The following TBK1 variants were observed in gnomAD, a reference collection of about 807,000 sequenced individuals.
The protein encoded by TBK1 is serine/threonine-protein kinase TBK1.
TBK1 carries 37 observed loss-of-function variants against 99.9 expected under a neutral mutation model. The ratio of observed to expected loss-of-function variants is 0.37; its 90% confidence interval spans 0.28 to 0.49. The LOEUF (loss-of-function observed/expected upper bound fraction) is 0.49, where lower values mean the gene tolerates loss of function less well. TBK1 is among the 20% of genes least tolerant of loss of function. The pLI, the probability that TBK1 is intolerant of heterozygous loss-of-function variation, is 0.98. For missense variants in TBK1, 644 were observed against 872.5 expected, an observed-to-expected ratio of 0.74 and a Z score of 3.30; for synonymous variants, 258 against 279.8, an observed-to-expected ratio of 0.92 and a Z score of 0.78.
At position 64,501,903 on chromosome 12, in the gene TBK1, T is replaced by G. The variant is rs2136092788; in HGVS notation, c.*522T>G. ...ATTTTACAAGGTGCCCAGATCCCAGTTATCCTTGTATCCATGTAATTTCAG... is the reference window on the plus strand; with the variant it reads ...ATTTTACAAGGTGCCCAGATCCCAGGTATCCTTGTATCCATGTAATTTCAG... On this transcript the variant is annotated 3_prime_UTR_variant, in exon 21 of 21. Coordinates refer to ENST00000331710, the MANE Select transcript of TBK1 (RefSeq NM_013254.4). The G allele has an allele frequency of 6.5e-6, 1 of 152,740 alleles. No individual in the cohort carries two copies. Among genetic ancestry groups the G allele is most frequent in the Non-Finnish European group, 1.5e-5 (1 of 68,112 alleles). The allele number at this position is 152,740 out of a possible 1,614,324, so 9.5% of individuals were successfully genotyped here.
At chr12:64,461,622 G>A (rs1032177509) in intron 3 of TBK1, among the ~76,000 whole-genome samples, 1 of 152,180 alleles carries the variant, frequency 6.6e-6, no homozygotes, top group Non-Finnish European at 1.5e-5. Flanking sequence ...TAAGAGCATA[G>A]CCTTCCACAC....
At chr12:64,488,348 G>T in intron 11 of TBK1, 139 bp from the exon 12 acceptor site, 1 of 505,870 alleles carries the variant, frequency 2.0e-6, no homozygotes, top group Non-Finnish European at 3.5e-6. Flanking sequence ...TTATAATAAT[G>T]TTTCAAAAAG....
Position 64,501,561 on chromosome 12 carries a change from A to T in TBK1, c.*180A>T. ...ATACAAATTTTTGGCTGCTGTGAAG[A>T]TGTAATTTTATCTTTTAACATTTAT... is the stretch of plus-strand genomic sequence containing the variant. On this transcript the variant is annotated 3_prime_UTR_variant, in exon 21 of 21. Coordinates refer to ENST00000331710, the MANE Select transcript of TBK1 (RefSeq NM_013254.4). 1 of 568,288 alleles carries T rather than the reference A, an allele frequency of 1.8e-6. No homozygotes were observed. Among genetic ancestry groups the T allele is most frequent in the Non-Finnish European group, 3.0e-6 (1 of 337,494 alleles). 35.2% of individuals were successfully genotyped at this position (568,288 alleles called of 1,614,324 possible). A position where few individuals can be genotyped will look rare whatever the true frequency, so the allele number is the denominator to read the frequency against.
chr12:64,456,914 A>G (rs1390273940), intron 2 of TBK1, among the ~76,000 whole-genome samples: 1 of 152,136 alleles, frequency 6.6e-6, no homozygotes, highest in African/African-American at 2.4e-5. Context: ...ATAATTTAAA[A>G]TTAAGAAATT....
rs113935916 is a variant in TBK1, at chr12:64,498,889, G to T, written c.2138+850G>T. 6.6e-3 allele frequency among the ~76,000 whole-genome samples: 994 copies of T among 151,190 alleles called. 10 individuals are homozygous for T. The highest frequency in any genetic ancestry group is 0.01 in the Non-Finnish European group (689 of 67,812). ...GAGAATCACCTGAATCTGGGAGATG[G>T]AGGTTGCAGTCAGCCGAGATCACAC... On this transcript the variant is annotated intron_variant, in intron 20 of 20. Transcript: ENST00000331710.
At chr12:64,490,517 C>G (rs945599553) in intron 13 of TBK1, among the ~76,000 whole-genome samples, 2 of 151,424 alleles carry the variant, frequency 1.3e-5, no homozygotes, top group Non-Finnish European at 1.5e-5. Context: ...ACCTCTCTCG[C>G]TGCCTCTCTC....
chr12:64,480,068 A>G lies in TBK1; in HGVS notation c.758A>G (p.Glu253Gly). 1 of 1,613,334 alleles carries G rather than the reference A, an allele frequency of 6.2e-7. No individual in the cohort carries two copies. Among genetic ancestry groups the G allele is most frequent in the Non-Finnish European group, 8.5e-7 (1 of 1,179,550 alleles). Residue 253 changes from glutamate (E) to glycine (G), a missense_variant, in exon 7 of 21, where the codon GAA becomes GGA. By Grantham distance (98) the Glu-to-Gly change is moderately conservative. Coordinates refer to ENST00000331710, the MANE Select transcript of TBK1 (RefSeq NM_013254.4). ...GCAATATCTGGAGTACAGAAAGCAG[A>G]AAATGGACCAATTGACTGGAGTGGA... ...SGAISGVQKA[E>G]NGPIDWSGDM...
intron 5 of TBK1, among the ~76,000 whole-genome samples, chr12:64,470,542 G>A (rs574530944): frequency 2.6e-5 from 4 of 152,170 alleles, no homozygotes; most frequent in Admixed American, 6.5e-5. Context: ...CTAACTAAAA[G>A]TAAATTTAAA....
chr12:64,465,242 C>CAAAAAA (rs57575805), intron 4 of TBK1, among the ~76,000 whole-genome samples: 5,568 of 57,762 alleles, frequency 0.096, 643 homozygotes, highest in East Asian at 0.11. Context: ...AAGACTATCT[C>CAAAAAA]AAAAAAAAAA....
intron 6 of TBK1, 80 bp downstream of exon 6, chr12:64,474,470 T>C: frequency 7.4e-7 from 1 of 1,345,612 alleles, no homozygotes; most frequent in Non-Finnish European, 1.0e-6. Flanking sequence ...GTTAGTGGTT[T>C]ATGCTAATAA....
At chr12:64,494,647 T>G (rs987315038) in intron 13 of TBK1, among the ~76,000 whole-genome samples, 4 of 152,124 alleles carry the variant, frequency 2.6e-5, no homozygotes, top group African/African-American at 9.7e-5. Context: ...TAGAGACAAT[T>G]TATAAATGAA....
At chr12:64,476,720 G>A (rs2040717791) in intron 6 of TBK1, among the ~76,000 whole-genome samples, 1 of 151,804 alleles carries the variant, frequency 6.6e-6, no homozygotes. Context: ...TTGATTTTGG[G>A]GTATTCATCC....
At chr12:64,460,076 A>G in intron 2 of TBK1, 113 bp from the exon 3 acceptor site, 1 of 647,264 alleles carries the variant, frequency 1.5e-6, no homozygotes, top group Non-Finnish European at 2.3e-6. Context: ...TGTGCCTAAA[A>G]GATGCATGAT....
chr12:64,493,794 C>T (rs1384936968), intron 13 of TBK1, among the ~76,000 whole-genome samples: 1 of 152,190 alleles, frequency 6.6e-6, no homozygotes, highest in Non-Finnish European at 1.5e-5. Context: ...AGGTGATTCT[C>T]ATGCTGCTAA....
intron 15 of TBK1, 176 bp downstream of exon 15, chr12:64,495,951 T>TA (rs1471445077): frequency 1.8e-6 from 1 of 553,722 alleles, no homozygotes; most frequent in Non-Finnish European, 3.1e-6. Context: ...AAACTATCCT[T>TA]AAAATCAACC....
chr12:64,483,233 A>C (rs1045775626), intron 8 of TBK1, among the ~76,000 whole-genome samples: 1 of 152,244 alleles, frequency 6.6e-6, no homozygotes, highest in African/African-American at 2.4e-5. Context: ...TATGTATTGC[A>C]TGTCTGTAAC....
At chr12:64,481,724 T>G in intron 7 of TBK1, 118 bp from the exon 8 acceptor site, 1 of 700,870 alleles carries the variant, frequency 1.4e-6, no homozygotes, top group East Asian at 3.4e-5. Context: ...ATTTTTTAAA[T>G]TAATCTAATA....
At position 64,501,337 on chromosome 12, in the gene TBK1, T is replaced by A. The variant is rs749249366; in HGVS notation, c.2146T>A (p.Ser716Thr). ...TTTGTGTGTGTGTTTTAGGTTTGGC[T>A]CTTTAACCATGGATGGTGGCCTTCG... is the stretch of plus-strand genomic sequence containing the variant. ...ENNHILERFG[S>T]LTMDGGLRNV... Residue 716 changes from serine to threonine, a missense_variant, in exon 21 of 21, where the codon TCT becomes ACT. Around this residue, in one of 3 missense-constraint regions of TBK1, gnomAD observed 465 missense variants for 588.0 expected, o/e 0.79. Coordinates refer to ENST00000331710, the MANE Select transcript of TBK1 (RefSeq NM_013254.4). The A allele has an allele frequency of 6.2e-7, 1 of 1,614,060 alleles. No homozygotes were observed. The highest frequency in any genetic ancestry group is 8.5e-7 in the Non-Finnish European group (1 of 1,179,990).
chr12:64,487,728 T>G (rs896546799), intron 11 of TBK1, among the ~76,000 whole-genome samples: 3 of 152,244 alleles, frequency 2.0e-5, no homozygotes, highest in African/African-American at 4.8e-5. Context: ...CAGTCTAATA[T>G]TTTAGACTTT....
Sources: gnomAD v4.1 joint callset for allele counts (sites outside exome capture counted in the v4.1 genomes callset) on GRCh38, gnomAD v4.1.1 for gene constraint, gnomAD v4.1.1 regional missense constraint, MANE v1.5 for transcripts, NCBI Gene and HGNC (gene_info 2026-07-23, HGNC 2026-07-21) for gene names.